EXD2: variants seen among roughly 807,000 people sequenced by gnomAD.
EXD2 encodes exonuclease 3'-5' domain-containing protein 2.
Under a neutral mutation model 62.5 loss-of-function variants are expected in EXD2, and 40 were observed. The observed-to-expected ratio is 0.64, with a 90% confidence interval of 0.50 to 0.83. EXD2 has a LOEUF of 0.83. Among genes scored for constraint, EXD2 ranks in the 40% least tolerant of loss-of-function variants. The probability of loss-of-function intolerance (pLI) is 0.00; values close to 1 mark genes in which losing one functional copy is unlikely to be tolerated. For missense variants in EXD2, 671 were observed against 761.8 expected (o/e 0.88, Z 1.40); for synonymous variants, 239 against 291.9 (o/e 0.82, Z 1.85).
chr14:69,224,104 G>C (rs891121650), intron 3 of EXD2: 3 of 151,960 alleles, frequency 2.0e-5, no homozygotes, highest in Non-Finnish European at 4.4e-5. Context: ...GCGCAGTCTT[G>C]GCTCACTGCA....
intron 7 of EXD2, 123 bp downstream of exon 7, chr14:69,236,275 A>T: frequency 6.6e-7 from 1 of 1,515,348 alleles, no homozygotes; most frequent in Non-Finnish European, 9.1e-7. Flanking sequence ...GATGCATGGG[A>T]CTGGGTAGGC....
At chr14:69,197,272 C>A in intron 1 of EXD2, among the ~76,000 whole-genome samples, 1 of 152,000 alleles carries the variant, frequency 6.6e-6, no homozygotes. Context: ...AGATTCTTAG[C>A]CAGTTTTTAA....
chr14:69,219,299 GCTCT>G (rs1188330969), intron 3 of EXD2, among the ~76,000 whole-genome samples: 3 of 152,022 alleles, frequency 2.0e-5, no homozygotes, highest in Non-Finnish European at 1.5e-5. Context: ...TCATGATTTG[GCTCT>G]CTGTTTGTCT....
Position 69,210,050 on chromosome 14 carries a change from C to T in EXD2, c.333+247C>T, listed in dbSNP as rs530361366. On this transcript the variant is annotated intron_variant, in intron 3 of 9. Coordinates refer to ENST00000685843, the MANE Select transcript of EXD2 (RefSeq NM_001193360.2). Reference sequence around the variant, plus strand: ...ATTGTATTTTCCCCACTTATCATTCCGTGAACTTGGACAAGCTATTTAGCC... The same window carrying T: ...ATTGTATTTTCCCCACTTATCATTCTGTGAACTTGGACAAGCTATTTAGCC... The T allele has an allele frequency of 2.8e-5, 9 of 326,500 alleles. No individual in the cohort carries two copies. The Admixed American group carries it at 3.1e-4, about 11-fold the overall frequency. The allele number at this position is 326,500 out of a possible 1,614,324, so 20.2% of individuals were successfully genotyped here.
chr14:69,209,416 T>TTTTGCA lies in EXD2; in HGVS notation c.-47-7_-47-2dup. ...TATATAAATATATTTTTGCCATTTGTTTTGCAGATTGTGGGATTAGTGATA... is the reference window on the plus strand; with the variant it reads ...TATATAAATATATTTTTGCCATTTGTTTTGCATTTGCAGATTGTGGGATTAGTGATA... On this transcript the variant is annotated splice_polypyrimidine_tract_variant and splice_region_variant and intron_variant, in intron 2 of 9. Coordinates refer to ENST00000685843, the MANE Select transcript of EXD2 (RefSeq NM_001193360.2). 1 of 1,388,430 alleles carries TTTTGCA rather than the reference T, an allele frequency of 7.2e-7. No homozygotes were observed. The allele number at this position is 1,388,430 out of a possible 1,614,324, so 86.0% of individuals were successfully genotyped here. A position where few individuals can be genotyped will look rare whatever the true frequency, so the allele number is the denominator to read the frequency against.
Position 69,241,527 on chromosome 14 carries a change from A to C in EXD2, c.*427A>C. ...TATCGGTCCTGTTAGGAGGGGAGAA[A>C]AAGTTCTTCCAAAGGCTGGAGAAGT... On this transcript the variant is annotated 3_prime_UTR_variant, in exon 10 of 10. Coordinates refer to ENST00000685843, the MANE Select transcript of EXD2 (RefSeq NM_001193360.2). The C allele has an allele frequency of 3.8e-6, 1 of 263,210 alleles. No individual in the cohort carries two copies. The highest frequency in any genetic ancestry group is 7.1e-6 in the Non-Finnish European group (1 of 140,838). The allele number at this position is 263,210 out of a possible 1,614,324, so 16.3% of individuals were successfully genotyped here.
intron 3 of EXD2, 31 bp downstream of exon 3, chr14:69,209,834 A>C (rs2042746563): frequency 7.0e-7 from 1 of 1,422,538 alleles, no homozygotes; most frequent in Non-Finnish European, 9.3e-7. Context: ...TAAAAAAAAA[A>C]AAAAAAAACA....
chr14:69,241,809 A>G lies in EXD2; in HGVS notation c.*709A>G. On this transcript the variant is annotated 3_prime_UTR_variant, in exon 10 of 10. Transcript: ENST00000685843. ...CCTGGGTGGGGCAGAAAGAACCACA[A>G]ACTCCATCTCCCAATAGAACTTTGA... 1 of 398,998 alleles carries G rather than the reference A, an allele frequency of 2.5e-6. No homozygotes were observed. The highest frequency in any genetic ancestry group is 4.4e-6 in the Non-Finnish European group (1 of 226,058). The allele number at this position is 398,998 out of a possible 1,614,324, so 24.7% of individuals were successfully genotyped here. A position where few individuals can be genotyped will look rare whatever the true frequency, so the allele number is the denominator to read the frequency against.
Position 69,241,022 on chromosome 14 carries a change from C to T in EXD2, c.1788C>T (p.Pro596=). 6.2e-7 allele frequency: 1 copy of T among 1,613,082 alleles called. No individual in the cohort carries two copies. Among genetic ancestry groups the T allele is most frequent in the South Asian group, 1.1e-5 (1 of 91,022 alleles). ...FLDSMQPKHL[P]QQWSVDHNHQ... ...ACTCCATGCAGCCCAAGCACCTGCC[C>T]CAGCAGTGGTCAGTGGACCACAACC... The change falls in exon 10 of 10, where the codon CCC becomes CCT. Residue 596 remains proline (P), a synonymous_variant. Transcript: ENST00000685843.
At chr14:69,215,121 C>G (rs2042945759) in intron 3 of EXD2, among the ~76,000 whole-genome samples, 1 of 152,000 alleles carries the variant, frequency 6.6e-6, no homozygotes, top group Non-Finnish European at 1.5e-5. Flanking sequence ...AACCCCGTCT[C>G]TACTAAAAAT....
intron 1 of EXD2, among the ~76,000 whole-genome samples, chr14:69,197,913 A>T (rs10132533): frequency 0.31 from 47,593 of 152,156 alleles, 9,885 homozygotes; most frequent in East Asian, 0.92. Context: ...TATTGAAAGG[A>T]TTAAATGAAT....
chr14:69,193,258 C>T (rs2042095275), intron 1 of EXD2, among the ~76,000 whole-genome samples: 1 of 152,074 alleles, frequency 6.6e-6, no homozygotes, highest in African/African-American at 2.4e-5. Context: ...GGGGTTTCAC[C>T]GTATTTGCCA....
At chr14:69,194,279 C>T (rs2042127225) in intron 1 of EXD2, among the ~76,000 whole-genome samples, 1 of 151,854 alleles carries the variant, frequency 6.6e-6, no homozygotes, top group Non-Finnish European at 1.5e-5. Flanking sequence ...GCTGGGACTA[C>T]AGGCGCCCAC....
chr14:69,207,007 A>C (rs2042627231), intron 2 of EXD2, among the ~76,000 whole-genome samples: 1 of 152,224 alleles, frequency 6.6e-6, no homozygotes, highest in Admixed American at 6.5e-5. Context: ...TTTCCTCTTC[A>C]ATAAAAGCAC....
intron 3 of EXD2, among the ~76,000 whole-genome samples, chr14:69,226,146 A>C (rs773012661): frequency 1.4e-4 from 22 of 152,366 alleles, no homozygotes; most frequent in Middle Eastern, 6.8e-3. Context: ...AGCTATTAGA[A>C]GTAGAGATTT....
At chr14:69,213,857 G>T (rs2042904346) in intron 3 of EXD2, 1 of 151,898 alleles carries the variant, frequency 6.6e-6, no homozygotes, top group Non-Finnish European at 1.5e-5. Context: ...TAGAGACAGG[G>T]TTTCACTGTG....
chr14:69,217,719 G>A (rs1367576911), intron 3 of EXD2, among the ~76,000 whole-genome samples: 1 of 151,958 alleles, frequency 6.6e-6, no homozygotes, highest in Non-Finnish European at 1.5e-5. Flanking sequence ...GCCCCAGTGT[G>A]TGATGTTCCC....
At chr14:69,226,435 T>A (rs1432630741) in intron 3 of EXD2, among the ~76,000 whole-genome samples, 1 of 152,180 alleles carries the variant, frequency 6.6e-6, no homozygotes, top group East Asian at 1.9e-4. Context: ...ATGGTTTTAC[T>A]CCGCCTTAGA....
Position 69,241,823 on chromosome 14 carries a change from A to G in EXD2, c.*723A>G, listed in dbSNP as rs551831603. The G allele has an allele frequency of 1.7e-4, 69 of 399,010 alleles. No individual in the cohort carries two copies. The highest frequency in any genetic ancestry group is 2.7e-4 in the Non-Finnish European group (60 of 226,058). The allele number at this position is 399,010 out of a possible 1,614,324, so 24.7% of individuals were successfully genotyped here. On this transcript the variant is annotated 3_prime_UTR_variant, in exon 10 of 10. Coordinates refer to ENST00000685843, the MANE Select transcript of EXD2 (RefSeq NM_001193360.2). The stretch of plus-strand genomic sequence containing the variant: ...AAAGAACCACAAACTCCATCTCCCA[A>G]TAGAACTTTGAAATTCACTCAGCTT...
Sources: allele counts gnomAD v4.1 joint callset (sites outside exome capture counted in the v4.1 genomes callset), GRCh38; gene constraint gnomAD v4.1.1; transcripts MANE v1.5; gene names NCBI Gene and HGNC (gene_info 2026-07-23, HGNC 2026-07-21).